The following VAV2 variants were observed in gnomAD, a reference collection of about 807,000 sequenced individuals.
VAV2 encodes the protein vav guanine nucleotide exchange factor 2.
Under a neutral mutation model 132.5 loss-of-function variants are expected in VAV2, and 67 were observed. That is an observed-to-expected ratio of 0.51 (90% confidence interval 0.42 to 0.62). The LOEUF (loss-of-function observed/expected upper bound fraction) is 0.62, where lower values mean the gene tolerates loss of function less well. VAV2 is among the 20% of genes least tolerant of loss of function. The pLI is 0.00. For missense variants in VAV2, 938 were observed against 1,153.6 expected, an observed-to-expected ratio of 0.81 and a Z score of 2.71; for synonymous variants, 492 against 443.5, an observed-to-expected ratio of 1.11 and a Z score of -1.37.
chr9:133,882,473 C>T (rs989152096), intron 2 of VAV2, among the ~76,000 whole-genome samples: 18 of 152,122 alleles, frequency 1.2e-4, no homozygotes, highest in African/African-American at 4.1e-4. Context: ...TCATGAGTGA[C>T]GATGAGGTCA....
intron 2 of VAV2, among the ~76,000 whole-genome samples, chr9:133,915,603 C>T (rs1447117609): frequency 1.3e-5 from 2 of 152,188 alleles, no homozygotes; most frequent in East Asian, 3.9e-4. Context: ...CACACACTCC[C>T]ACACAATGCA....
intron 3 of VAV2, among the ~76,000 whole-genome samples, chr9:133,844,195 G>C (rs1836839160): frequency 6.6e-6 from 1 of 152,224 alleles, no homozygotes; most frequent in African/African-American, 2.4e-5. Flanking sequence ...ACAGAGGAAT[G>C]TGACTTCTCA....
rs921652259 is a variant in VAV2 at position 133,804,988 on chromosome 9, G to A, written c.836+1093C>T. 1.3e-5 allele frequency among the ~76,000 whole-genome samples: 2 copies of A among 152,162 alleles called. No individual in the cohort carries two copies. Among genetic ancestry groups the A allele is most frequent in the South Asian group, 2.1e-4 (1 of 4,830 alleles). ...CTCCAGGACCCTCCTCACAGGGAAG[G>A]GGGGAGCGCCTTTCCTGAAGCTACA... On this transcript the variant is annotated intron_variant, in intron 9 of 29. Transcript: ENST00000371850. This position sits in a 1 kb window ranked among gnomAD's most constrained non-coding sequence, Gnocchi z 4.5.
At position 133,912,390 on chromosome 9, in the gene VAV2, C is replaced by T. The variant is rs376706313; in HGVS notation, c.321+26713G>A. Among the ~76,000 whole-genome samples the T allele has an allele frequency of 1.8e-4, 28 of 152,316 alleles. No homozygotes were observed. The highest frequency in any genetic ancestry group is 5.3e-4 in the African/African-American group (22 of 41,564). ...AATCCCCACAGTCCTGCCACACAAA[C>T]GAGCCGGAGGCTTCTGGAGGACAGT... On this transcript the variant is annotated intron_variant, in intron 2 of 29. Coordinates refer to ENST00000371850, the MANE Select transcript of VAV2 (RefSeq NM_001134398.2). This position sits in a 1 kb window ranked among gnomAD's most constrained non-coding sequence, Gnocchi z 4.3.
chr9:133,871,467 C>CGGATGGAT (rs149156422), intron 2 of VAV2, among the ~76,000 whole-genome samples: 106 of 141,118 alleles, frequency 7.5e-4, no homozygotes, highest in South Asian at 1.2e-3. Context: ...GATGGAGAAG[C>CGGATGGAT]GGATGGATGG....
chr9:133,838,177 C>T (rs908967766), intron 3 of VAV2, among the ~76,000 whole-genome samples: 1 of 152,014 alleles, frequency 6.6e-6, no homozygotes, highest in African/African-American at 2.4e-5. Flanking sequence ...GCCTTTGTAC[C>T]TGCTCTGCTC....
rs1564319177 is a variant in VAV2 at position 133,762,242 on chromosome 9, A to G, written c.*1820T>C. 6.6e-6 allele frequency: 1 copy of G among 152,610 alleles called. No homozygotes were observed. 9.5% of individuals were successfully genotyped at this position (152,610 alleles called of 1,614,324 possible). On this transcript the variant is annotated 3_prime_UTR_variant, in exon 30 of 30. Transcript: ENST00000371850. This position sits in a 1 kb window ranked among gnomAD's most constrained non-coding sequence, Gnocchi z 5.0. ...TTCACAAAAACCAGGGTTCTAAATTATTTTTTCTCAGTGTCCTTCGTGATC... is the reference window on the plus strand; with the variant it reads ...TTCACAAAAACCAGGGTTCTAAATTGTTTTTTCTCAGTGTCCTTCGTGATC...
At chr9:133,838,953 TG>T (rs1422226409) in intron 3 of VAV2, among the ~76,000 whole-genome samples, 1 of 15,292 alleles carries the variant, frequency 6.5e-5, no homozygotes, top group African/African-American at 2.5e-4. Flanking sequence ...ATGGGGTGGG[TG>T]GGTAGGTGGG....
rs1490412896 is a variant in VAV2, at chr9:133,926,742, AG to A, written c.321+12360del. On this transcript the variant is annotated intron_variant, in intron 2 of 29. Transcript: ENST00000371850. The surrounding 1 kb of genome is among the most constrained non-coding windows in gnomAD (Gnocchi z 4.3). ...TGTCTAACACACCTCTGCCCACCAA[AG>A]TCCCTGTCACTCTGCACAGTAGGCA... is the stretch of plus-strand genomic sequence containing the variant. 6.6e-6 allele frequency among the ~76,000 whole-genome samples: 1 copy of A among 152,058 alleles called. No individual in the cohort carries two copies. Among genetic ancestry groups the A allele is most frequent in the East Asian group, 1.9e-4 (1 of 5,186 alleles).
At chr9:133,801,415 C>T (rs1320587283) in intron 9 of VAV2, among the ~76,000 whole-genome samples, 6 of 152,242 alleles carry the variant, frequency 3.9e-5, no homozygotes, top group African/African-American at 9.6e-5. Context: ...GATTCCAAAG[C>T]GAATGCACAT....
intron 1 of VAV2, among the ~76,000 whole-genome samples, chr9:133,948,803 C>G (rs536552090): frequency 3.9e-5 from 6 of 152,360 alleles, no homozygotes; most frequent in African/African-American, 1.4e-4. Context: ...CTGCTTCATC[C>G]TGCTAACGAG....
Position 133,794,970 on chromosome 9 carries a change from CGAG to C in VAV2, c.1101+695_1101+697del, listed in dbSNP as rs1834648158. Among the ~76,000 whole-genome samples, 1 of 152,186 alleles carries C rather than the reference CGAG, an allele frequency of 6.6e-6. No homozygotes were observed. Among genetic ancestry groups the C allele is most frequent in the South Asian group, 2.1e-4 (1 of 4,830 alleles). ...GGATGAGCAGGACGTGGCCAGGTGACGAGGAGGAGGGTGCACCTGAGCCAACAC... is the reference window on the plus strand; with the variant it reads ...GGATGAGCAGGACGTGGCCAGGTGACGAGGAGGGTGCACCTGAGCCAACAC... On this transcript the variant is annotated intron_variant, in intron 12 of 29. Transcript: ENST00000371850. This position sits in a 1 kb window ranked among gnomAD's most constrained non-coding sequence, Gnocchi z 4.6.
At chr9:133,967,034 C>CA (rs71380266) in intron 1 of VAV2, among the ~76,000 whole-genome samples, 34,132 of 106,012 alleles carry the variant, frequency 0.32, 5,190 homozygotes, top group East Asian at 0.47. Context: ...GACTTTGTCT[C>CA]AAAAAAAAAA....
intron 1 of VAV2, among the ~76,000 whole-genome samples, chr9:133,941,008 T>A (rs929234211): frequency 1.2e-5 from 1 of 81,098 alleles, no homozygotes; most frequent in East Asian, 5.6e-4. Flanking sequence ...TCTCCATTAA[T>A]CTGGTACAGT....
chr9:133,950,175 G>A (rs954418303), intron 1 of VAV2, among the ~76,000 whole-genome samples: 1 of 152,326 alleles, frequency 6.6e-6, no homozygotes, highest in South Asian at 2.1e-4. Context: ...GCAGGGCCAG[G>A]CCAAGCTGCA....
chr9:133,795,618 C>T (rs373516086), intron 12 of VAV2, 50 bp downstream of exon 12: 100 of 1,599,992 alleles, frequency 6.3e-5, no homozygotes, highest in African/African-American at 5.1e-4. Context: ...TCCAAGAACA[C>T]GGGCTAAGCC....
chr9:133,783,666 C>A, intron 18 of VAV2, 75 bp from the exon 19 acceptor site: 1 of 1,388,518 alleles, frequency 7.2e-7, no homozygotes, highest in Non-Finnish European at 1.0e-6. Flanking sequence ...GGTCAAGGCC[C>A]TTGTCCCCAC....
At chr9:133,946,910 C>A (rs191865592) in intron 1 of VAV2, among the ~76,000 whole-genome samples, 59 of 152,278 alleles carry the variant, frequency 3.9e-4, no homozygotes, top group Admixed American at 2.0e-3. Flanking sequence ...GAGCTGACGC[C>A]GTTTGCTCCC....
Position 133,911,894 on chromosome 9 carries a change from T to G in VAV2, c.321+27209A>C, listed in dbSNP as rs1839897983. Among the ~76,000 whole-genome samples, 4 of 152,244 alleles carry G rather than the reference T, an allele frequency of 2.6e-5. 1 individual carries two copies. The South Asian group carries it at 8.3e-4, about 31-fold the overall frequency. ...GGCCCAGAGCCCCACAGGTCAGGAT[T>G]GCCCAGGCCAAGAAAGTAAGTCAGA... On this transcript the variant is annotated intron_variant, in intron 2 of 29. Transcript: ENST00000371850.
Sources: allele counts gnomAD v4.1 joint callset (sites outside exome capture counted in the v4.1 genomes callset), GRCh38; gene constraint gnomAD v4.1.1; non-coding constraint Gnocchi (gnomAD v3.1); transcripts MANE v1.5; gene names NCBI Gene and HGNC (gene_info 2026-07-23, HGNC 2026-07-21).